The following LAMA2 variants were observed in gnomAD, a reference collection of about 807,000 sequenced individuals.
The protein encoded by LAMA2 is laminin subunit alpha-2.
In LAMA2, 269 loss-of-function variants were observed where a neutral mutation model predicts 364.8. The ratio of observed to expected loss-of-function variants is 0.74; its 90% CI spans 0.67 to 0.82. The LOEUF (loss-of-function observed/expected upper bound fraction) is 0.82. LAMA2 is among the 40% of genes least tolerant of loss of function. The pLI, the probability that LAMA2 is intolerant of heterozygous loss-of-function variation, is 0.00. For synonymous variants in LAMA2, 1,379 were observed against 1,370.6 expected, an observed-to-expected ratio of 1.01 and a Z score of -0.14; for missense variants, 3,807 against 3,873.2, an observed-to-expected ratio of 0.98 and a Z score of 0.45.
intron 1 of LAMA2, among the ~76,000 whole-genome samples, chr6:129,027,460 A>G (rs959039613): frequency 3.3e-5 from 5 of 152,054 alleles, no homozygotes; most frequent in African/African-American, 1.2e-4. Flanking sequence ...AAGAACTGTC[A>G]AGTGTTGACT....
chr6:128,908,300 T>C (rs1437302503), intron 1 of LAMA2, among the ~76,000 whole-genome samples: 1 of 151,944 alleles, frequency 6.6e-6, no homozygotes, highest in Non-Finnish European at 1.5e-5. Flanking sequence ...TTGATTATTG[T>C]CACAATTTCA....
intron 14 of LAMA2, among the ~76,000 whole-genome samples, chr6:129,257,917 G>T (rs910889842): frequency 2.6e-5 from 4 of 151,984 alleles, no homozygotes; most frequent in African/African-American, 9.7e-5. Flanking sequence ...CATGGAGTTT[G>T]TTAGTCATTG....
At chr6:129,216,294 C>G (rs1783420075) in intron 12 of LAMA2, among the ~76,000 whole-genome samples, 1 of 152,180 alleles carries the variant, frequency 6.6e-6, no homozygotes, top group Non-Finnish European at 1.5e-5. Flanking sequence ...GAGGGCAAAA[C>G]ATGCCTTTCA....
intron 41 of LAMA2, among the ~76,000 whole-genome samples, chr6:129,437,602 T>G (rs1395047013): frequency 6.6e-6 from 1 of 152,034 alleles, no homozygotes; most frequent in Non-Finnish European, 1.5e-5. Flanking sequence ...CATAAGAAAC[T>G]ATTAAAAATT....
intron 1 of LAMA2, among the ~76,000 whole-genome samples, chr6:129,026,014 C>T (rs1785785525): frequency 6.6e-6 from 1 of 152,162 alleles, no homozygotes; most frequent in African/African-American, 2.4e-5. Flanking sequence ...ATGTGTCAAA[C>T]TTAGCCATCA....
At chr6:129,429,424 T>C (rs548780905) in intron 41 of LAMA2, among the ~76,000 whole-genome samples, 11 of 152,350 alleles carry the variant, frequency 7.2e-5, no homozygotes, top group Admixed American at 2.6e-4. Context: ...TGTTGGCTTA[T>C]CTTACTTATC....
chr6:129,024,382 CTTTTTTTTT>C (rs202105513), intron 1 of LAMA2, among the ~76,000 whole-genome samples: 48 of 116,828 alleles, frequency 4.1e-4, no homozygotes, highest in African/African-American at 6.6e-4. Flanking sequence ...TCTTTTCTTT[CTTTTTTTTT>C]TTTTTTTTTT....
intron 10 of LAMA2, among the ~76,000 whole-genome samples, chr6:129,189,405 C>A (rs1781406992): frequency 1.3e-5 from 2 of 152,036 alleles, no homozygotes; most frequent in South Asian, 2.1e-4. Context: ...GAGATTATAT[C>A]CTTCCCTGTT....
At chr6:129,086,376 C>T (rs1386958104) in intron 3 of LAMA2, among the ~76,000 whole-genome samples, 2 of 152,112 alleles carry the variant, frequency 1.3e-5, no homozygotes, top group African/African-American at 4.8e-5. Flanking sequence ...CATTAACAGA[C>T]ATTTATATTC....
In LAMA2 at chr6:129,218,393, G is replaced by A. The variant is rs1347002342; in HGVS notation, c.1782+25540G>A. ...AATTATATAAATCTTGGTTTAAAAA[G>A]CTTGATATACAATGAAACATACTTG... On this transcript the variant is annotated intron_variant, in intron 12 of 64. Transcript: ENST00000421865. Among the ~76,000 whole-genome samples, 3 of 152,168 alleles carry A rather than the reference G, an allele frequency of 2.0e-5. No individual in the cohort carries two copies. In the East Asian group the frequency reaches 5.8e-4, roughly 29 times the overall value.
intron 14 of LAMA2, among the ~76,000 whole-genome samples, chr6:129,260,053 A>T (rs982250732): frequency 1.9e-4 from 29 of 152,262 alleles, no homozygotes; most frequent in African/African-American, 6.7e-4. Flanking sequence ...TCTCTAAAAT[A>T]ATGAGTTATG....
intron 34 of LAMA2, among the ~76,000 whole-genome samples, chr6:129,376,943 T>C (rs1049813307): frequency 2.6e-5 from 4 of 152,200 alleles, no homozygotes; most frequent in African/African-American, 9.6e-5. Context: ...ATTGTACACA[T>C]AATAGGTGTT....
At chr6:129,325,544 T>A (rs1542732) in intron 28 of LAMA2, among the ~76,000 whole-genome samples, 2,825 of 150,972 alleles carry the variant, frequency 0.019, 56 homozygotes, top group African/African-American at 0.057. Flanking sequence ...TTTTTTTTTT[T>A]AAAAAAAACA....
intron 15 of LAMA2, among the ~76,000 whole-genome samples, chr6:129,264,766 G>A (rs1391331906): frequency 1.3e-5 from 2 of 152,146 alleles, no homozygotes; most frequent in African/African-American, 4.8e-5. Flanking sequence ...CTGATGAAAG[G>A]TTGGATAAAA....
At chr6:129,413,279 T>A (rs1780626244) in intron 40 of LAMA2, among the ~76,000 whole-genome samples, 1 of 152,078 alleles carries the variant, frequency 6.6e-6, no homozygotes. Context: ...AAGGTCATAA[T>A]AACAAAGCCT....
In LAMA2 at chr6:129,327,777, G is replaced by A. The variant is rs541298221; in HGVS notation, c.4177-501G>A. Among the ~76,000 whole-genome samples the A allele has an allele frequency of 1.3e-3, 201 of 152,304 alleles. 1 individual carries two copies. The highest frequency in any genetic ancestry group is 4.7e-3 in the African/African-American group (197 of 41,586). On this transcript the variant is annotated intron_variant, in intron 28 of 64. Coordinates refer to ENST00000421865, the MANE Select transcript of LAMA2 (RefSeq NM_000426.4). The stretch of plus-strand genomic sequence containing the variant: ...TGGTGGTCTAATAGTCGCAAGACAT[G>A]TACAGCTTTTATTATTTTGGATTTC...
At position 129,208,392 on chromosome 6, in the gene LAMA2, A is replaced by G. The variant is rs535884059; in HGVS notation, c.1782+15539A>G. 2.6e-5 allele frequency among the ~76,000 whole-genome samples: 4 copies of G among 152,222 alleles called. No individual in the cohort carries two copies. In the East Asian group the frequency reaches 7.7e-4, roughly 29 times the overall value. ...GTATTAGCTATTATTATTAACTCCA[A>G]CTGGGCTTAATTTGAGGTCAGGCAT... On this transcript the variant is annotated intron_variant, in intron 12 of 64. Coordinates refer to ENST00000421865, the MANE Select transcript of LAMA2 (RefSeq NM_000426.4).
chr6:129,489,410 T>C (rs1189601181), intron 56 of LAMA2, among the ~76,000 whole-genome samples: 1 of 152,184 alleles, frequency 6.6e-6, no homozygotes, highest in Non-Finnish European at 1.5e-5. Flanking sequence ...ATCTAATTTC[T>C]TGGCACTCCA....
intron 1 of LAMA2, among the ~76,000 whole-genome samples, chr6:128,964,107 G>A (rs1451199473): frequency 2.0e-5 from 3 of 152,012 alleles, no homozygotes; most frequent in African/African-American, 7.2e-5. Context: ...AATCATTAAA[G>A]CCTGGAGTGC....
Sources: allele counts gnomAD v4.1 joint callset (sites outside exome capture counted in the v4.1 genomes callset), GRCh38; gene constraint gnomAD v4.1.1; transcripts MANE v1.5; gene names NCBI Gene and HGNC (gene_info 2026-07-23, HGNC 2026-07-21).